The following HS3ST5 variants were observed in gnomAD, a reference collection of about 807,000 sequenced individuals.
HS3ST5 encodes the protein heparan sulfate glucosamine 3-O-sulfotransferase 5.
In HS3ST5, 10 loss-of-function variants were observed where a neutral mutation model predicts 25.4. The ratio of observed to expected loss-of-function variants is 0.39; its 90% confidence interval spans 0.24 to 0.67. The LOEUF is 0.67. Among genes scored for constraint, HS3ST5 ranks in the 30% least tolerant of loss-of-function variants. HS3ST5 has a pLI of 0.44. For synonymous variants in HS3ST5, 170 were observed against 162.4 expected, an observed-to-expected ratio of 1.05 and a Z score of -0.36; for missense variants, 324 against 420.7, an observed-to-expected ratio of 0.77 and a Z score of 2.01.
chr6:114,062,907 C>A (rs550589010), intron 3 of HS3ST5, 30 bp from the exon 4 acceptor site: 2 of 1,266,658 alleles, frequency 1.6e-6, no homozygotes, highest in Admixed American at 1.8e-5. Flanking sequence ...CAGCAGCCAT[C>A]TCTTAGAGGC....
chr6:114,101,241 C>T (rs1339386056), intron 3 of HS3ST5, among the ~76,000 whole-genome samples: 1 of 152,184 alleles, frequency 6.6e-6, no homozygotes, highest in African/African-American at 2.4e-5. Flanking sequence ...AGCAGATACT[C>T]ACAAAGGTTT....
chr6:114,162,421 C>G (rs539182738), intron 3 of HS3ST5, among the ~76,000 whole-genome samples: 27 of 152,298 alleles, frequency 1.8e-4, no homozygotes, highest in Admixed American at 1.6e-3. Context: ...CCTGTTATCA[C>G]TTCTGCCCAG....
At position 114,087,939 on chromosome 6, in the gene HS3ST5, C is replaced by G. The variant is rs539136562; in HGVS notation, c.-32-25062G>C. Among the ~76,000 whole-genome samples, 7 of 152,258 alleles carry G rather than the reference C, an allele frequency of 4.6e-5. No individual in the cohort carries two copies. In the South Asian group the frequency reaches 1.5e-3, roughly 32 times the overall value. On this transcript the variant is annotated intron_variant, in intron 3 of 4. Coordinates refer to ENST00000312719, the MANE Select transcript of HS3ST5 (RefSeq NM_153612.4). ...TTTCCATAGCCTAGAACTGCATGGTCTAATATGGTAGTCACTAGCCCCTAG... is the reference window on the plus strand; with the variant it reads ...TTTCCATAGCCTAGAACTGCATGGTGTAATATGGTAGTCACTAGCCCCTAG...
intron 3 of HS3ST5, among the ~76,000 whole-genome samples, chr6:114,130,164 A>G (rs1777258462): frequency 2.0e-5 from 3 of 152,240 alleles, no homozygotes; most frequent in Non-Finnish European, 4.4e-5. Flanking sequence ...AGTAATCACA[A>G]TTAAATAAGA....
At chr6:114,262,219 G>A (rs141688720) in intron 1 of HS3ST5, among the ~76,000 whole-genome samples, 10 of 152,214 alleles carry the variant, frequency 6.6e-5, no homozygotes, top group East Asian at 1.9e-4. Flanking sequence ...TTTGTATCTC[G>A]TCTCAGGAAA....
At chr6:114,199,778 T>C (rs1313933073) in intron 2 of HS3ST5, among the ~76,000 whole-genome samples, 5 of 152,134 alleles carry the variant, frequency 3.3e-5, no homozygotes, top group Non-Finnish European at 5.9e-5. Context: ...CTCAAAAATG[T>C]TTTTCTTAAG....
chr6:114,329,080 A>G (rs1180767193), intron 1 of HS3ST5, among the ~76,000 whole-genome samples: 1 of 152,226 alleles, frequency 6.6e-6, no homozygotes, highest in African/African-American at 2.4e-5. Context: ...TGATAAATCT[A>G]TAAGAAAAGC....
At chr6:114,133,955 A>G (rs1423601665) in intron 3 of HS3ST5, among the ~76,000 whole-genome samples, 1 of 152,040 alleles carries the variant, frequency 6.6e-6, no homozygotes, top group East Asian at 1.9e-4. Flanking sequence ...GACACCACAG[A>G]GTGTATGTGG....
At chr6:114,165,810 C>T (rs7773081) in intron 3 of HS3ST5, among the ~76,000 whole-genome samples, 13,090 of 152,166 alleles carry the variant, frequency 0.086, 704 homozygotes, top group African/African-American at 0.14. Context: ...TGGATTTTAG[C>T]TTCCTTGTTG....
chr6:114,204,796 C>T (rs572398776), intron 2 of HS3ST5, among the ~76,000 whole-genome samples: 20 of 152,096 alleles, frequency 1.3e-4, no homozygotes, highest in African/African-American at 4.3e-4. Context: ...ATAGAAACTA[C>T]CCTTTCATTT....
intron 3 of HS3ST5, among the ~76,000 whole-genome samples, chr6:114,104,094 T>TA (rs370809573): frequency 6.6e-6 from 1 of 151,812 alleles, no homozygotes; most frequent in Non-Finnish European, 1.5e-5. Flanking sequence ...GCTAGACTTT[T>TA]AAAAAAAATG....
intron 1 of HS3ST5, among the ~76,000 whole-genome samples, chr6:114,289,198 T>A (rs928302244): frequency 5.9e-5 from 9 of 152,058 alleles, no homozygotes; most frequent in Non-Finnish European, 1.2e-4. Context: ...AACATTGTAG[T>A]TTTACACCAA....
intron 3 of HS3ST5, chr6:114,131,264 G>A (rs1036144649): frequency 6.6e-6 from 1 of 152,124 alleles, no homozygotes; most frequent in African/African-American, 2.4e-5. Flanking sequence ...AAAAAAAAAG[G>A]AGGTAAGTGA....
intron 3 of HS3ST5, among the ~76,000 whole-genome samples, chr6:114,070,749 GT>G (rs1223281790): frequency 6.6e-6 from 1 of 152,038 alleles, no homozygotes; most frequent in Non-Finnish European, 1.5e-5. Context: ...AACCTTGGAA[GT>G]TGTCATTCTT....
At chr6:114,129,646 C>T (rs1425967574) in intron 3 of HS3ST5, among the ~76,000 whole-genome samples, 3 of 151,996 alleles carry the variant, frequency 2.0e-5, no homozygotes, top group South Asian at 2.1e-4. Flanking sequence ...GTAACATCAC[C>T]GAAAATTCTC....
intron 1 of HS3ST5, among the ~76,000 whole-genome samples, chr6:114,311,902 T>C (rs1005859370): frequency 6.6e-6 from 1 of 152,220 alleles, no homozygotes; most frequent in South Asian, 2.1e-4. Flanking sequence ...TAATTTACTA[T>C]GCATTTCATT....
intron 3 of HS3ST5, among the ~76,000 whole-genome samples, chr6:114,084,980 C>T (rs1278234734): frequency 6.6e-6 from 1 of 151,692 alleles, no homozygotes; most frequent in African/African-American, 2.4e-5. Flanking sequence ...TACAGGTGCG[C>T]ACCACCACCC....
At chr6:114,274,962 C>T (rs186741307) in intron 1 of HS3ST5, among the ~76,000 whole-genome samples, 95 of 151,730 alleles carry the variant, frequency 6.3e-4, no homozygotes, top group African/African-American at 1.7e-3. Context: ...TAGAGGCCTT[C>T]CCTGATTTCC....
At chr6:114,304,980 C>T (rs1412301722) in intron 1 of HS3ST5, among the ~76,000 whole-genome samples, 1 of 152,054 alleles carries the variant, frequency 6.6e-6, no homozygotes, top group Non-Finnish European at 1.5e-5. Flanking sequence ...TTTAATACTA[C>T]ACCAAAACTT....
Sources: allele counts gnomAD v4.1 joint callset (sites outside exome capture counted in the v4.1 genomes callset), GRCh38; gene constraint gnomAD v4.1.1; transcripts MANE v1.5; gene names NCBI Gene and HGNC (gene_info 2026-07-23, HGNC 2026-07-21).